KCNIP4: variants seen among roughly 807,000 people sequenced by gnomAD.
KCNIP4 encodes the protein potassium voltage-gated channel interacting protein 4.
Under a neutral mutation model 34.0 loss-of-function variants are expected in KCNIP4, and 12 were observed. The observed-to-expected ratio is 0.35, with a 90% confidence interval of 0.23 to 0.57. The LOEUF (loss-of-function observed/expected upper bound fraction) is 0.57, where lower values mean the gene tolerates loss of function less well. KCNIP4 is among the 20% of genes least tolerant of loss of function. The pLI, the probability that KCNIP4 is intolerant of heterozygous loss-of-function variation, is 0.83. For synonymous variants in KCNIP4, 124 were observed against 102.2 expected (o/e 1.21, Z -1.29); for missense variants, 238 against 311.7 (o/e 0.76, Z 1.78).
intron 1 of KCNIP4, among the ~76,000 whole-genome samples, chr4:21,191,306 G>C (rs78130583): frequency 0.012 from 1,761 of 152,268 alleles, 37 homozygotes; most frequent in African/African-American, 0.04. Flanking sequence ...TGATAGGGCG[G>C]ACATTCTATT....
At chr4:21,361,146 T>C (rs944876447) in intron 1 of KCNIP4, among the ~76,000 whole-genome samples, 2 of 152,100 alleles carry the variant, frequency 1.3e-5, no homozygotes, top group Admixed American at 6.6e-5. Context: ...AATCTAGACA[T>C]GTAGAAGGTA....
chr4:21,847,593 C>T lies in KCNIP4; in HGVS notation c.61+100978G>A, dbSNP rs147208030. The T allele has an allele frequency of 2.7e-3, 405 of 152,212 alleles. 2 individuals carry two copies. Among genetic ancestry groups the T allele is most frequent in the African/African-American group, 9.1e-3 (376 of 41,530 alleles). The allele number at this position is 152,212 out of a possible 1,614,324, so 9.4% of individuals were successfully genotyped here. A position where few individuals can be genotyped will look rare whatever the true frequency, so the allele number is the denominator to read the frequency against. Reference sequence around the variant, plus strand: ...ACGCAGAAGTACTTCATATGTGTAACGAAAATACTTAGCAATATTATCTGT... The same window carrying T: ...ACGCAGAAGTACTTCATATGTGTAATGAAAATACTTAGCAATATTATCTGT... On this transcript the variant is annotated intron_variant, in intron 1 of 8. Coordinates refer to ENST00000382152, the MANE Select transcript of KCNIP4 (RefSeq NM_025221.6).
In KCNIP4 at chr4:21,801,667, G is replaced by A. The variant is rs560470186; in HGVS notation, c.61+146904C>T. ...TCTGTCACCCCGGCTGGAGTGCAGT[G>A]GCACAATCTCAGCTCACTGCAACCT... On this transcript the variant is annotated intron_variant, in intron 1 of 8. Coordinates refer to ENST00000382152, the MANE Select transcript of KCNIP4 (RefSeq NM_025221.6). Among the ~76,000 whole-genome samples the A allele has an allele frequency of 2.0e-5, 3 of 152,052 alleles. No homozygotes were observed. The East Asian group carries it at 5.8e-4, about 29-fold the overall frequency.
chr4:21,808,176 A>G (rs1721416718), intron 1 of KCNIP4, among the ~76,000 whole-genome samples: 1 of 152,156 alleles, frequency 6.6e-6, no homozygotes, highest in African/African-American at 2.4e-5. Flanking sequence ...GTCACATCCC[A>G]ACATGGAATA....
At chr4:21,483,230 A>AATATATATATATATATATATATAT (rs61650696) in intron 1 of KCNIP4, among the ~76,000 whole-genome samples, 3 of 150,444 alleles carry the variant, frequency 2.0e-5, no homozygotes, top group Non-Finnish European at 3.0e-5. Flanking sequence ...GTATAATTTA[A>AATATATATATATATATATATATAT]ATATATATAT....
chr4:20,946,459 T>C (rs1732199129), intron 1 of KCNIP4, among the ~76,000 whole-genome samples: 2 of 152,048 alleles, frequency 1.3e-5, no homozygotes, highest in Non-Finnish European at 2.9e-5. Flanking sequence ...TTGAGCTAGG[T>C]TGGATCATGC....
chr4:21,863,259 A>AT lies in KCNIP4; in HGVS notation c.61+85311_61+85312insA, dbSNP rs1293420447. Among the ~76,000 whole-genome samples, 96 of 78,878 alleles carry AT rather than the reference A, an allele frequency of 1.2e-3. No homozygotes were observed. In the East Asian group the frequency reaches 0.029, roughly 24 times the overall value. The allele number at this position is 78,878 out of a possible 152,430, so 51.7% of individuals were successfully genotyped here. On this transcript the variant is annotated intron_variant, in intron 1 of 8. Transcript: ENST00000382152. ...TATGGCTAATAAATTCCACGGATTG[A>AT]ATTTTTTTTTTTTTTTTGGCAGATG...
chr4:21,344,471 G>A (rs972776973), intron 1 of KCNIP4, among the ~76,000 whole-genome samples: 1 of 152,156 alleles, frequency 6.6e-6, no homozygotes, highest in Non-Finnish European at 1.5e-5. Context: ...AAGATCAGGA[G>A]AGAGTTTTAA....
intron 1 of KCNIP4, among the ~76,000 whole-genome samples, chr4:21,592,584 T>C (rs1432526378): frequency 3.3e-5 from 5 of 152,226 alleles, no homozygotes; most frequent in African/African-American, 9.6e-5. Context: ...AGTAATTTTG[T>C]TCATAGTTGT....
chr4:21,074,927 T>C (rs555428752), intron 1 of KCNIP4, among the ~76,000 whole-genome samples: 1 of 152,332 alleles, frequency 6.6e-6, no homozygotes, highest in East Asian at 1.9e-4. Flanking sequence ...GGTTGTTCAG[T>C]TTCCATGTAG....
At chr4:20,818,653 C>G (rs1388785145) in intron 3 of KCNIP4, among the ~76,000 whole-genome samples, 1 of 152,104 alleles carries the variant, frequency 6.6e-6, no homozygotes, top group African/African-American at 2.4e-5. Flanking sequence ...GTACTGACAC[C>G]TGAAAAATCT....
chr4:20,841,452 A>AT (rs1719710780), intron 3 of KCNIP4, among the ~76,000 whole-genome samples: 1 of 152,156 alleles, frequency 6.6e-6, no homozygotes, highest in African/African-American at 2.4e-5. Context: ...ACTTTAGGAG[A>AT]TATCAGAGAA....
intron 1 of KCNIP4, among the ~76,000 whole-genome samples, chr4:21,558,823 A>G (rs1739286542): frequency 6.6e-6 from 1 of 152,158 alleles, no homozygotes; most frequent in South Asian, 2.1e-4. Flanking sequence ...TAATGTTAAG[A>G]CTTTATTGAT....
At chr4:21,219,873 A>T (rs1577907943) in intron 1 of KCNIP4, among the ~76,000 whole-genome samples, 1 of 152,204 alleles carries the variant, frequency 6.6e-6, no homozygotes, top group East Asian at 1.9e-4. Flanking sequence ...AAATTTTCAG[A>T]AAAAGAAATA....
chr4:20,972,300 G>C (rs1271087187), intron 1 of KCNIP4, among the ~76,000 whole-genome samples: 3 of 152,114 alleles, frequency 2.0e-5, no homozygotes, highest in African/African-American at 7.2e-5. Context: ...ATTTCGTCTA[G>C]ATCTATCACA....
At chr4:20,743,017 G>A (rs568901152) in intron 5 of KCNIP4, among the ~76,000 whole-genome samples, 1 of 99,178 alleles carries the variant, frequency 1.0e-5, no homozygotes, top group East Asian at 2.6e-4. Context: ...GGGATGTGAA[G>A]GACCCTTATA....
At chr4:21,658,475 G>A (rs1748152121) in intron 1 of KCNIP4, among the ~76,000 whole-genome samples, 1 of 152,072 alleles carries the variant, frequency 6.6e-6, no homozygotes, top group South Asian at 2.1e-4. Context: ...GAGTGCAATG[G>A]CACGATCTCA....
At chr4:21,106,183 C>T (rs1257471972) in intron 1 of KCNIP4, among the ~76,000 whole-genome samples, 2 of 151,052 alleles carry the variant, frequency 1.3e-5, no homozygotes, top group Non-Finnish European at 2.9e-5. Context: ...ACCAGTTCCT[C>T]CTTGTGCCTC....
At chr4:21,591,552 T>A (rs1264834237) in intron 1 of KCNIP4, among the ~76,000 whole-genome samples, 1 of 152,066 alleles carries the variant, frequency 6.6e-6, no homozygotes, top group African/African-American at 2.4e-5. Flanking sequence ...TAACTCCTTT[T>A]GGATGTACGT....
Sources: allele counts gnomAD v4.1 joint callset (sites outside exome capture counted in the v4.1 genomes callset), GRCh38; gene constraint gnomAD v4.1.1; transcripts MANE v1.5; gene names NCBI Gene and HGNC (gene_info 2026-07-23, HGNC 2026-07-21).